The following MGAT5B variants were observed in gnomAD, a reference collection of about 807,000 sequenced individuals.
MGAT5B encodes the protein alpha-1,6-mannosylglycoprotein 6-beta-N-acetylglucosaminyltransferase B.
A neutral mutation model predicts 95.1 loss-of-function variants in MGAT5B; 54 were observed. That is an observed-to-expected ratio of 0.57 (90% CI 0.46 to 0.71). The LOEUF is 0.71. Ranked by LOEUF, MGAT5B falls within the 30% of genes least tolerant of loss-of-function variation. The probability of loss-of-function intolerance (pLI) is 0.00; values close to 1 mark genes in which losing one functional copy is unlikely to be tolerated. For missense variants in MGAT5B, 935 were observed against 1,088.6 expected, an observed-to-expected ratio of 0.86 and a Z score of 1.99; for synonymous variants, 464 against 451.0, an observed-to-expected ratio of 1.03 and a Z score of -0.36.
At chr17:76,926,881 C>T in intron 10 of MGAT5B, 151 bp downstream of exon 10, 1 of 973,112 alleles carries the variant, frequency 1.0e-6, no homozygotes, top group Non-Finnish European at 1.5e-6. Context: ...CCTTCTCCTG[C>T]TCCATAAGTG....
rs187295565 is a variant in MGAT5B at position 76,892,115 on chromosome 17, C to T, written c.329+9817C>T. 1.8e-3 allele frequency among the ~76,000 whole-genome samples: 268 copies of T among 152,228 alleles called. 4 individuals carry two copies. Among genetic ancestry groups the T allele is most frequent in the African/African-American group, 6.0e-3 (248 of 41,542 alleles). ...AACCTGGAGTGCAGTGGCTCGATCA[C>T]GGCTCACTGAAGATCTCAACCTTCT... is the stretch of plus-strand genomic sequence containing the variant. On this transcript the variant is annotated intron_variant, in intron 3 of 17. Transcript: ENST00000569840.
Position 76,929,789 on chromosome 17 carries a change from C to A in MGAT5B, c.1292-2856C>A, listed in dbSNP as rs149389779. ...GGGCTGCTGCCTCTCCTGGCCTTAC[C>A]CTCGCTCTGCCCCCAGGAGCTCTTG... On this transcript the variant is annotated intron_variant, in intron 10 of 17. Transcript: ENST00000569840. Among the ~76,000 whole-genome samples the A allele has an allele frequency of 4.5e-3, 686 of 152,308 alleles. 4 individuals are homozygous for A. Among genetic ancestry groups the A allele is most frequent in the Middle Eastern group, 0.02 (6 of 294 alleles).
Position 76,940,597 on chromosome 17 carries a change from A to C in MGAT5B, c.1731+49A>C. Reference sequence around the variant, plus strand: ...CCGATCAGGAGGGGCCGGGACAGAGACCCCTGCAGGTCCTGGAAGAGGCAG... The same window carrying C: ...CCGATCAGGAGGGGCCGGGACAGAGCCCCCTGCAGGTCCTGGAAGAGGCAG... On this transcript the variant is annotated intron_variant, in intron 14 of 17. Transcript: ENST00000569840. The surrounding 1 kb of genome is among the most constrained non-coding windows in gnomAD (Gnocchi z 4.3). 1 of 1,586,666 alleles carries C rather than the reference A, an allele frequency of 6.3e-7. No homozygotes were observed.
At position 76,882,191 on chromosome 17, in the gene MGAT5B, G is replaced by A. The variant is rs369755216; in HGVS notation, c.222G>A (p.Met74Ile). 14 of 1,613,404 alleles carry A rather than the reference G, an allele frequency of 8.7e-6. No homozygotes were observed. Among genetic ancestry groups the A allele is most frequent in the Non-Finnish European group, 1.1e-5 (13 of 1,179,870 alleles). The change falls in exon 3 of 18, where the codon ATG becomes ATA. Residue 74 changes from methionine to isoleucine, a missense_variant. Met to Ile is a conservative substitution (Grantham distance 10). This residue lies in a region of MGAT5B where 243 missense variants were observed against 228.2 expected (regional missense o/e 1.06). Transcript: ENST00000569840. ...AGTCCCGCGGCGTCCTGCGCAAGAT[G>A]AGCGACCTGCTGGAGCTGATGGTGA... Reference protein sequence around the residue: ...GPESRGVLRKMSDLLELMVKR... With the variant: ...GPESRGVLRKISDLLELMVKR...
intron 3 of MGAT5B, among the ~76,000 whole-genome samples, chr17:76,901,576 A>G (rs534417316): frequency 6.6e-6 from 1 of 152,332 alleles, no homozygotes; most frequent in African/African-American, 2.4e-5. Context: ...AACACAGGAA[A>G]TAAATCCTCC....
At chr17:76,920,086 A>G (rs1969078358) in intron 8 of MGAT5B, among the ~76,000 whole-genome samples, 1 of 152,096 alleles carries the variant, frequency 6.6e-6, no homozygotes, top group Admixed American at 6.5e-5. Context: ...ACACTCAGAA[A>G]TATATTCTAA....
At chr17:76,902,128 G>T (rs1968335294) in intron 3 of MGAT5B, among the ~76,000 whole-genome samples, 1 of 152,090 alleles carries the variant, frequency 6.6e-6, no homozygotes, top group South Asian at 2.1e-4. Flanking sequence ...GTGGGGACAT[G>T]TGCAGATGTG....
intron 2 of MGAT5B, among the ~76,000 whole-genome samples, chr17:76,873,432 G>T (rs549764423): frequency 2.0e-5 from 3 of 152,342 alleles, no homozygotes; most frequent in South Asian, 2.1e-4. Context: ...CACGATATTT[G>T]CAAGGCAGTG....
chr17:76,902,731 G>C (rs572008), intron 4 of MGAT5B, 61 bp downstream of exon 4: 117,391 of 1,182,220 alleles, frequency 0.099, 8,364 homozygotes, highest in Admixed American at 0.26. Context: ...TGGGTGCTGG[G>C]TGGGCCCTGG....
intron 8 of MGAT5B, chr17:76,913,664 T>C (rs1389436570): frequency 2.0e-6 from 1 of 508,364 alleles, no homozygotes; most frequent in South Asian, 1.4e-5. Context: ...AAAGGCCTCT[T>C]ACAGGCAAAG....
In MGAT5B at chr17:76,883,862, C is replaced by T. The variant is rs547211549; in HGVS notation, c.329+1564C>T. On this transcript the variant is annotated intron_variant, in intron 3 of 17. Coordinates refer to ENST00000569840, the MANE Select transcript of MGAT5B (RefSeq NM_001199172.2). Reference sequence around the variant, plus strand: ...ATGACCCACAGGAGGTCACTGTGCCCGTGGGAGGGTTGGAGGGATGCCTGC... The same window carrying T: ...ATGACCCACAGGAGGTCACTGTGCCTGTGGGAGGGTTGGAGGGATGCCTGC... 7.3e-4 allele frequency among the ~76,000 whole-genome samples: 111 copies of T among 152,292 alleles called. 1 individual carries two copies. The South Asian group carries it at 0.011, about 15-fold the overall frequency.
In MGAT5B at chr17:76,905,124, G is replaced by A; in HGVS notation, c.691-45G>A. 1 of 1,563,096 alleles carries A rather than the reference G, an allele frequency of 6.4e-7. No individual in the cohort carries two copies. Among genetic ancestry groups the A allele is most frequent in the Non-Finnish European group, 8.7e-7 (1 of 1,148,276 alleles). ...CCCCAGGCCAGCGGGGAATGATGGTGGCCGCAGGTTGAGGGGCAGAGAGCT... is the reference window on the plus strand; with the variant it reads ...CCCCAGGCCAGCGGGGAATGATGGTAGCCGCAGGTTGAGGGGCAGAGAGCT... On this transcript the variant is annotated intron_variant, in intron 6 of 17. Transcript: ENST00000569840. This position sits in a 1 kb window ranked among gnomAD's most constrained non-coding sequence, Gnocchi z 4.2.
At chr17:76,898,867 A>G (rs1358786033) in intron 3 of MGAT5B, among the ~76,000 whole-genome samples, 2 of 152,196 alleles carry the variant, frequency 1.3e-5, no homozygotes, top group South Asian at 2.1e-4. Context: ...CTGGATATGA[A>G]TTTTGGAGAC....
At chr17:76,897,660 A>ACCTTTCTTT (rs1385091778) in intron 3 of MGAT5B, among the ~76,000 whole-genome samples, 4 of 69,386 alleles carry the variant, frequency 5.8e-5, no homozygotes, top group African/African-American at 8.4e-5. Flanking sequence ...AAGTAAGGCC[A>ACCTTTCTTT]CTTTCTTTCT....
intron 3 of MGAT5B, 121 bp downstream of exon 3, chr17:76,882,419 T>C (rs1177311449): frequency 7.9e-7 from 1 of 1,263,092 alleles, no homozygotes; most frequent in African/African-American, 1.5e-5. Context: ...CACACTGTGG[T>C]ACAGCCCAGA....
At chr17:76,907,968 G>C (rs150173897) in intron 8 of MGAT5B, among the ~76,000 whole-genome samples, 2 of 152,100 alleles carry the variant, frequency 1.3e-5, no homozygotes, top group Non-Finnish European at 2.9e-5. Flanking sequence ...TGGTTCTTTC[G>C]TCTTGATGAG....
rs552181940 is a variant in MGAT5B at position 76,918,187 on chromosome 17, C to G, written c.1026-6779C>G. ...TCAGTTTCCCTTTCGGAGGCTCCCC[C>G]CCAACAACTGCACGCCTTGTACCGC... On this transcript the variant is annotated intron_variant, in intron 8 of 17. Transcript: ENST00000569840. The surrounding 1 kb of genome is among the most constrained non-coding windows in gnomAD (Gnocchi z 5.1). Among the ~76,000 whole-genome samples, 2 of 152,112 alleles carry G rather than the reference C, an allele frequency of 1.3e-5. No homozygotes were observed. The highest frequency in any genetic ancestry group is 2.9e-5 in the Non-Finnish European group (2 of 68,022).
intron 12 of MGAT5B, among the ~76,000 whole-genome samples, chr17:76,935,972 A>G (rs997778484): frequency 5.5e-5 from 8 of 145,114 alleles, no homozygotes; most frequent in African/African-American, 2.0e-4. Context: ...ATATATATGT[A>G]GATAGAGACA....
At chr17:76,885,334 G>T (rs1304015116) in intron 3 of MGAT5B, among the ~76,000 whole-genome samples, 1 of 152,166 alleles carries the variant, frequency 6.6e-6, no homozygotes, top group Non-Finnish European at 1.5e-5. Flanking sequence ...TTTCCTGTCT[G>T]CCTCCAGCGG....
Sources: allele counts gnomAD v4.1 joint callset (sites outside exome capture counted in the v4.1 genomes callset), GRCh38; gene constraint gnomAD v4.1.1; regional missense constraint gnomAD v4.1.1; non-coding constraint Gnocchi (gnomAD v3.1); transcripts MANE v1.5; gene names NCBI Gene and HGNC (gene_info 2026-07-23, HGNC 2026-07-21).